COL19A1: variants seen among roughly 807,000 people sequenced by gnomAD.
The protein encoded by COL19A1 is collagen type XIX alpha 1 chain, also known as collagen alpha-1(XIX) chain.
Under a neutral mutation model 190.2 loss-of-function variants are expected in COL19A1, and 159 were observed. The observed-to-expected ratio is 0.84, with a 90% CI of 0.73 to 0.95. The LOEUF (loss-of-function observed/expected upper bound fraction) is 0.95, where lower values mean the gene tolerates loss of function less well. Ranked by LOEUF, COL19A1 falls within the 40% of genes least tolerant of loss-of-function variation. The pLI is 0.00. For synonymous variants in COL19A1, 509 were observed against 458.9 expected, an observed-to-expected ratio of 1.11 and a Z score of -1.39; for missense variants, 1,418 against 1,431.9, an observed-to-expected ratio of 0.99 and a Z score of 0.16.
intron 3 of COL19A1, among the ~76,000 whole-genome samples, chr6:69,899,903 C>A (rs1361314392): frequency 1.3e-5 from 2 of 152,138 alleles, no homozygotes; most frequent in Admixed American, 6.5e-5. Flanking sequence ...TATTTTTAAT[C>A]TAATTTTCTA....
Position 70,190,594 on chromosome 6 carries a change from G to T in COL19A1, c.3094+213G>T, listed in dbSNP as rs145752185. On this transcript the variant is annotated intron_variant, in intron 48 of 50. Transcript: ENST00000620364. ...CTGGAACTTCCTTTCATTATACCTG[G>T]TCTGTAAAACAACACAGGTAAAGTA... is the stretch of plus-strand genomic sequence containing the variant. Among the ~76,000 whole-genome samples the T allele has an allele frequency of 2.3e-3, 357 of 152,166 alleles. 3 individuals carry two copies. The highest frequency in any genetic ancestry group is 8.0e-3 in the African/African-American group (330 of 41,504).
chr6:69,979,013 A>ATTTTTTGAGG (rs1775884406), intron 11 of COL19A1, among the ~76,000 whole-genome samples: 1 of 151,910 alleles, frequency 6.6e-6, no homozygotes, highest in Non-Finnish European at 1.5e-5. Context: ...AAAAAATATA[A>ATTTTTTGAGG]AAAATTGACC....
At chr6:70,183,318 G>A (rs1403512750) in intron 44 of COL19A1, among the ~76,000 whole-genome samples, 1 of 152,174 alleles carries the variant, frequency 6.6e-6, no homozygotes, top group Non-Finnish European at 1.5e-5. Flanking sequence ...GATGAGGGTA[G>A]AGAGGAGCAA....
rs2150290991 is a variant in COL19A1, at chr6:70,185,001, C to T, written c.2856+86C>T. The T allele has an allele frequency of 3.1e-6, 4 of 1,300,224 alleles. No individual in the cohort carries two copies. The East Asian group carries it at 9.5e-5, about 31-fold the overall frequency. 80.5% of individuals were successfully genotyped at this position (1,300,224 alleles called of 1,614,324 possible). A position where few individuals can be genotyped will look rare whatever the true frequency, so the allele number is the denominator to read the frequency against. On this transcript the variant is annotated intron_variant, in intron 46 of 50. Coordinates refer to ENST00000620364, the MANE Select transcript of COL19A1 (RefSeq NM_001858.6). ...TGAGTTACACAATTATGTGTGTAGACCCCTGCAAATCACCAAATCTATAAA... is the reference window on the plus strand; with the variant it reads ...TGAGTTACACAATTATGTGTGTAGATCCCTGCAAATCACCAAATCTATAAA...
chr6:70,142,677 A>G, intron 22 of COL19A1, 90 bp from the exon 23 acceptor site: 1 of 1,158,984 alleles, frequency 8.6e-7, no homozygotes, highest in Non-Finnish European at 1.2e-6. Flanking sequence ...ATACATGAAG[A>G]TCACACTATT....
At chr6:70,158,918 A>G (rs1583051799) in intron 34 of COL19A1, among the ~76,000 whole-genome samples, 1 of 152,232 alleles carries the variant, frequency 6.6e-6, no homozygotes, top group Non-Finnish European at 1.5e-5. Context: ...CTTGTCTTCT[A>G]AAATTATCTT....
chr6:69,928,819 T>C (rs1772563615), intron 5 of COL19A1, among the ~76,000 whole-genome samples: 1 of 152,312 alleles, frequency 6.6e-6, no homozygotes, highest in East Asian at 1.9e-4. Context: ...TAGTTTTTAC[T>C]TGTGTACATA....
intron 37 of COL19A1, among the ~76,000 whole-genome samples, chr6:70,167,131 G>A (rs1271269644): frequency 6.6e-6 from 1 of 152,202 alleles, no homozygotes; most frequent in African/African-American, 2.4e-5. Context: ...TTAAATAATA[G>A]AGTAATAAAT....
chr6:70,180,840 T>C (rs1562249566), intron 44 of COL19A1, among the ~76,000 whole-genome samples: 1 of 152,212 alleles, frequency 6.6e-6, no homozygotes, highest in Non-Finnish European at 1.5e-5. Flanking sequence ...TCCTAAAGTA[T>C]AAAGAAACCA....
intron 11 of COL19A1, among the ~76,000 whole-genome samples, chr6:70,021,965 T>C (rs1019169496): frequency 1.3e-5 from 2 of 152,204 alleles, no homozygotes; most frequent in Non-Finnish European, 2.9e-5. Context: ...TTTGTTTGTT[T>C]TGTATATTGT....
Position 69,916,804 on chromosome 6 carries a change from G to C in COL19A1, c.267-11105G>C, listed in dbSNP as rs572695425. Among the ~76,000 whole-genome samples, 46 of 152,182 alleles carry C rather than the reference G, an allele frequency of 3.0e-4. No homozygotes were observed. The Middle Eastern group carries it at 0.014, about 45-fold the overall frequency. ...AAAATATTACTTTTAAGTCAGGTTG[G>C]TAATGATGAGGGGAATTTTATTCTT... is the stretch of plus-strand genomic sequence containing the variant. On this transcript the variant is annotated intron_variant, in intron 4 of 50. Coordinates refer to ENST00000620364, the MANE Select transcript of COL19A1 (RefSeq NM_001858.6).
chr6:70,052,891 A>T (rs1472547627), intron 14 of COL19A1, among the ~76,000 whole-genome samples: 5 of 152,170 alleles, frequency 3.3e-5, no homozygotes, highest in Non-Finnish European at 7.4e-5. Context: ...ATCTTTAGAG[A>T]ATTCATCTTC....
At chr6:69,985,816 G>C (rs1776280323) in intron 11 of COL19A1, among the ~76,000 whole-genome samples, 1 of 152,098 alleles carries the variant, frequency 6.6e-6, no homozygotes, top group African/African-American at 2.4e-5. Context: ...CTAGTAGTGT[G>C]TGTAATATAT....
chr6:70,050,756 A>C (rs1780158486), intron 14 of COL19A1, among the ~76,000 whole-genome samples: 1 of 152,130 alleles, frequency 6.6e-6, no homozygotes. Flanking sequence ...TAACAATATT[A>C]ATGTCACTTA....
chr6:69,903,528 G>A (rs1340970617), intron 4 of COL19A1, among the ~76,000 whole-genome samples: 1 of 152,106 alleles, frequency 6.6e-6, no homozygotes, highest in African/African-American at 2.4e-5. Flanking sequence ...ATCCCAATCT[G>A]CCATGCTTTT....
At chr6:69,902,087 A>C (rs1327221345) in intron 4 of COL19A1, among the ~76,000 whole-genome samples, 2 of 152,194 alleles carry the variant, frequency 1.3e-5, no homozygotes, top group Non-Finnish European at 2.9e-5. Context: ...TACCTCCACT[A>C]TAGGAAACCG....
intron 48 of COL19A1, among the ~76,000 whole-genome samples, chr6:70,194,346 C>T (rs1487663083): frequency 6.6e-6 from 1 of 152,114 alleles, no homozygotes; most frequent in African/African-American, 2.4e-5. Flanking sequence ...TGATACAATA[C>T]CCTACAAATC....
At chr6:69,993,300 A>G (rs759600296) in intron 11 of COL19A1, among the ~76,000 whole-genome samples, 1 of 152,190 alleles carries the variant, frequency 6.6e-6, no homozygotes, top group Non-Finnish European at 1.5e-5. Flanking sequence ...CTTCCCAGGA[A>G]TAAAGCCTAC....
At chr6:70,090,159 A>G (rs1050265827) in intron 15 of COL19A1, among the ~76,000 whole-genome samples, 12 of 150,540 alleles carry the variant, frequency 8.0e-5, no homozygotes, top group African/African-American at 2.9e-4. Context: ...CCTGGGTGAC[A>G]GAGCAAGACT....
Sources: gnomAD v4.1 joint callset for allele counts (sites outside exome capture counted in the v4.1 genomes callset) on GRCh38, gnomAD v4.1.1 for gene constraint, MANE v1.5 for transcripts, NCBI Gene and HGNC (gene_info 2026-07-23, HGNC 2026-07-21) for gene names.